The following ZC3H12B variants were observed in gnomAD, a reference collection of about 807,000 sequenced individuals.
ZC3H12B encodes the protein zinc finger CCCH-type containing 12B, also known as probable ribonuclease ZC3H12B.
A neutral mutation model predicts 43.9 loss-of-function variants in ZC3H12B; 7 were observed. The observed-to-expected ratio is 0.16, with a 90% CI of 0.09 to 0.30. The LOEUF (loss-of-function observed/expected upper bound fraction) is 0.30, where lower values mean the gene tolerates loss of function less well. Ranked by LOEUF, ZC3H12B falls within the 10% of genes least tolerant of loss-of-function variation. The pLI, the probability that ZC3H12B is intolerant of heterozygous loss-of-function variation, is 1.00. For missense variants in ZC3H12B, 475 were observed against 670.2 expected (o/e 0.71, Z 3.22); for synonymous variants, 222 against 241.7 (o/e 0.92, Z 0.76).
chrX:65,211,088 G>GAAAA, the ZC3H12B span, among the ~76,000 whole-genome samples: 24 of 63,326 alleles, frequency 3.8e-4, no homozygotes, highest in African/African-American at 7.2e-4. Context: ...AAAAAAGAAA[G>GAAAA]AAAAAAAAAA....
At chrX:65,171,447 C>A in the ZC3H12B span, among the ~76,000 whole-genome samples, 1 of 110,873 alleles carries the variant, frequency 9.0e-6, no homozygotes, top group Non-Finnish European at 1.9e-5. Context: ...TGTCAGTCGG[C>A]CCGTATTGGG....
chrX:65,301,723 G>A, the ZC3H12B span, among the ~76,000 whole-genome samples: 1 of 110,903 alleles, frequency 9.0e-6, no homozygotes, highest in Non-Finnish European at 1.9e-5. Flanking sequence ...TGGGATGGGT[G>A]GGGGAAAAAG....
At chrX:65,352,689 T>A in the ZC3H12B span, among the ~76,000 whole-genome samples, 1 of 111,370 alleles carries the variant, frequency 9.0e-6, no homozygotes, top group Non-Finnish European at 1.9e-5. Flanking sequence ...AATTGAAGGT[T>A]TGTAACAATC....
At chrX:65,365,570 T>C (rs6624146), upstream of ZC3H12B, among the ~76,000 whole-genome samples, 13 of 110,821 alleles carry the variant, frequency 1.2e-4, no homozygotes, top group East Asian at 3.7e-3. Flanking sequence ...ATATCGCCCA[T>C]TATCTCTCCA....
At chrX:65,061,794 G>A in the ZC3H12B span, among the ~76,000 whole-genome samples, 1 of 112,064 alleles carries the variant, frequency 8.9e-6, no homozygotes, top group Admixed American at 9.4e-5. Context: ...CAGTGTAAAA[G>A]CATTCTTATT....
chrX:65,133,265 A>C, the ZC3H12B span, among the ~76,000 whole-genome samples: 33 of 110,800 alleles, frequency 3.0e-4, no homozygotes, highest in African/African-American at 1.1e-3. Flanking sequence ...ATTATTGTAC[A>C]CCTTGAAGGT....
At chrX:65,054,368 C>T in the ZC3H12B span, among the ~76,000 whole-genome samples, 3 of 111,497 alleles carry the variant, frequency 2.7e-5, no homozygotes, top group East Asian at 5.6e-4. Flanking sequence ...AATAGGGAAT[C>T]CTTTCCCCAT....
chrX:65,146,195 TTG>T, the ZC3H12B span, among the ~76,000 whole-genome samples: 1 of 111,729 alleles, frequency 9.0e-6, no homozygotes, highest in Admixed American at 9.5e-5. Context: ...TCATTTTTCT[TTG>T]TCTTTGTTGG....
chrX:65,279,594 G>A, the ZC3H12B span, among the ~76,000 whole-genome samples: 2 of 111,102 alleles, frequency 1.8e-5, no homozygotes, highest in Non-Finnish European at 3.8e-5. Flanking sequence ...AGACTTAAAC[G>A]TAAAACCCAA....
the ZC3H12B span, among the ~76,000 whole-genome samples, chrX:65,192,847 G>A: frequency 1.8e-5 from 2 of 111,367 alleles, no homozygotes; most frequent in East Asian, 2.8e-4. Context: ...GGGCTGGAGT[G>A]CAGTGGCACA....
At chrX:65,322,125 C>T in the ZC3H12B span, among the ~76,000 whole-genome samples, 1 of 111,542 alleles carries the variant, frequency 9.0e-6, no homozygotes, top group Non-Finnish European at 1.9e-5. Context: ...CAGTCATGTT[C>T]GAACTTGAAG....
At chrX:65,082,071 C>G in the ZC3H12B span, among the ~76,000 whole-genome samples, 1 of 111,578 alleles carries the variant, frequency 9.0e-6, no homozygotes, top group Non-Finnish European at 1.9e-5. Context: ...TGTCTTAAAA[C>G]AAATGAAAAT....
intron 3 of ZC3H12B, among the ~76,000 whole-genome samples, chrX:65,453,403 T>A (rs1393926061): frequency 1.5e-4 from 10 of 67,916 alleles, no homozygotes; most frequent in East Asian, 9.2e-4. Context: ...TATATATATA[T>A]AAAATAGAAT....
the ZC3H12B span, among the ~76,000 whole-genome samples, chrX:65,091,982 G>A: frequency 8.9e-6 from 1 of 111,813 alleles, no homozygotes; most frequent in Admixed American, 9.5e-5. Context: ...GATCATGGGG[G>A]TGAATCCTTT....
chrX:65,216,209 G>A, the ZC3H12B span, among the ~76,000 whole-genome samples: 35 of 111,837 alleles, frequency 3.1e-4, no homozygotes, highest in Non-Finnish European at 5.5e-4. Context: ...ACAACAACAA[G>A]GAAAGGGTTA....
chrX:65,216,523 TTGAG>T, the ZC3H12B span, among the ~76,000 whole-genome samples: 4 of 111,440 alleles, frequency 3.6e-5, no homozygotes, highest in South Asian at 1.5e-3. Context: ...CTAAATAAGT[TTGAG>T]TGTCAGTCAG....
chrX:65,305,022 T>C, the ZC3H12B span, among the ~76,000 whole-genome samples: 1 of 111,782 alleles, frequency 8.9e-6, no homozygotes, highest in Non-Finnish European at 1.9e-5. Flanking sequence ...TCAATGAAGA[T>C]ATGGAGATGG....
intron 3 of ZC3H12B, among the ~76,000 whole-genome samples, chrX:65,417,917 A>G (rs764370070): frequency 5.3e-5 from 6 of 112,503 alleles, no homozygotes; most frequent in African/African-American, 1.6e-4. Context: ...TTCTCATTGT[A>G]CAATCTAATG....
intron 2 of ZC3H12B, among the ~76,000 whole-genome samples, chrX:65,389,378 T>C (rs1602363665): frequency 8.9e-6 from 1 of 112,332 alleles, no homozygotes; most frequent in South Asian, 3.7e-4. Context: ...TGCAGTTTAA[T>C]CTCAGACTGC....
Sources: allele counts gnomAD v4.1 joint callset (sites outside exome capture counted in the v4.1 genomes callset), GRCh38; gene constraint gnomAD v4.1.1; transcripts MANE v1.5; gene names NCBI Gene and HGNC (gene_info 2026-07-23, HGNC 2026-07-21).